Variants in RAD54B observed in about 807,000 individuals in gnomAD.
RAD54B encodes RAD54 homolog B.
Under a neutral mutation model 95.8 loss-of-function variants are expected in RAD54B, and 78 were observed. The ratio of observed to expected loss-of-function variants is 0.81; its 90% CI spans 0.68 to 0.98. The LOEUF (loss-of-function observed/expected upper bound fraction) is 0.98. Among genes scored for constraint, RAD54B ranks in the 50% least tolerant of loss-of-function variants. The probability of loss-of-function intolerance (pLI) is 0.00; values close to 1 mark genes in which losing one functional copy is unlikely to be tolerated. For missense variants in RAD54B, 957 were observed against 1,056.6 expected, an observed-to-expected ratio of 0.91 and a Z score of 1.31; for synonymous variants, 328 against 354.9, an observed-to-expected ratio of 0.92 and a Z score of 0.85.
chr8:94,406,128 G>C (rs1811384363), intron 5 of RAD54B, among the ~76,000 whole-genome samples: 2 of 151,422 alleles, frequency 1.3e-5, no homozygotes, highest in South Asian at 4.2e-4. Context: ...CACTCAACAA[G>C]TATTTCCTGG....
chr8:94,452,767 G>T (rs1438267659), intron 3 of RAD54B, among the ~76,000 whole-genome samples: 1 of 152,082 alleles, frequency 6.6e-6, no homozygotes, highest in African/African-American at 2.4e-5. Context: ...AAAGTGCTGG[G>T]ATTACAGGCC....
intron 3 of RAD54B, among the ~76,000 whole-genome samples, chr8:94,437,849 C>T (rs1414120591): frequency 1.3e-5 from 2 of 152,112 alleles, no homozygotes; most frequent in Non-Finnish European, 2.9e-5. Context: ...CCACCAGTTT[C>T]GGTGCTTAGA....
intron 3 of RAD54B, among the ~76,000 whole-genome samples, chr8:94,435,901 A>G (rs1380894894): frequency 6.6e-6 from 1 of 152,048 alleles, no homozygotes; most frequent in Non-Finnish European, 1.5e-5. Context: ...TTAGGCATTA[A>G]CTCCCTTTAG....
chr8:94,461,808 G>GT, intron 2 of RAD54B, among the ~76,000 whole-genome samples: 1 of 152,220 alleles, frequency 6.6e-6, no homozygotes, highest in East Asian at 1.9e-4. Context: ...ACTTCAAGGT[G>GT]TGTTTCCAAA....
intron 3 of RAD54B, among the ~76,000 whole-genome samples, chr8:94,442,704 C>T (rs1226935443): frequency 1.3e-5 from 2 of 151,912 alleles, no homozygotes; most frequent in Admixed American, 1.3e-4. Flanking sequence ...TGGGATGTTC[C>T]CAACATAAAA....
At chr8:94,412,370 A>AT (rs66586571) in intron 3 of RAD54B, among the ~76,000 whole-genome samples, 3,645 of 148,328 alleles carry the variant, frequency 0.025, 148 homozygotes, top group African/African-American at 0.083. Flanking sequence ...TGCCAATTTC[A>AT]TTTTTTTTTT....
chr8:94,398,999 A>T (rs113557961), intron 8 of RAD54B, among the ~76,000 whole-genome samples: 9 of 152,084 alleles, frequency 5.9e-5, no homozygotes, highest in African/African-American at 1.9e-4. Flanking sequence ...TTTCCCAAGA[A>T]CTTTACATTG....
chr8:94,436,911 C>CA, intron 3 of RAD54B: 1 of 1,483,950 alleles, frequency 6.7e-7, no homozygotes, highest in South Asian at 1.4e-5. Flanking sequence ...AACCACCATG[C>CA]AGCCTTCAGC....
At chr8:94,444,690 T>C (rs1290521872) in intron 3 of RAD54B, among the ~76,000 whole-genome samples, 3 of 152,220 alleles carry the variant, frequency 2.0e-5, no homozygotes, top group African/African-American at 7.2e-5. Context: ...CCAGTCTGTC[T>C]GGAGAAGTTC....
intron 11 of RAD54B, 152 bp from the exon 12 acceptor site, chr8:94,380,558 A>G (rs1563634881): frequency 2.3e-6 from 2 of 862,958 alleles, no homozygotes; most frequent in South Asian, 3.9e-5. Flanking sequence ...ATTCCTGCAT[A>G]TTCCATTTTA....
intron 3 of RAD54B, chr8:94,430,745 T>C (rs1812071852): frequency 1.0e-6 from 1 of 973,030 alleles, no homozygotes; most frequent in Non-Finnish European, 1.2e-6. Flanking sequence ...CATTTTAAAA[T>C]TGGAAGATTC....
intron 3 of RAD54B, among the ~76,000 whole-genome samples, chr8:94,443,150 C>A (rs375030226): frequency 1.3e-5 from 2 of 152,180 alleles, no homozygotes; most frequent in East Asian, 3.8e-4. Flanking sequence ...AAAATCACTC[C>A]TTCGATCATG....
chr8:94,434,194 C>T (rs962337914), intron 3 of RAD54B, among the ~76,000 whole-genome samples: 1 of 151,844 alleles, frequency 6.6e-6, no homozygotes, highest in African/African-American at 2.4e-5. Flanking sequence ...GTTTTTAAAA[C>T]CACATAATTA....
Position 94,387,046 on chromosome 8 carries a change from T to A in RAD54B, c.1923A>T (p.Ser641=). 6.2e-7 allele frequency: 1 copy of A among 1,613,648 alleles called. No individual in the cohort carries two copies. Among genetic ancestry groups the A allele is most frequent in the Non-Finnish European group, 8.5e-7 (1 of 1,179,790 alleles). ...GCTTGGACAACACCTGTAGTTTTCC[T>A]GACTCCTTTTCAGTAAACAGGAGAG... ...YNPLLFTEKE[S]GKLQVLSKLL... The change falls in exon 11 of 15, where the codon TCA becomes TCT. Residue 641 remains serine, a synonymous_variant. Transcript: ENST00000336148.
At chr8:94,406,542 C>T (rs903201429) in intron 5 of RAD54B, among the ~76,000 whole-genome samples, 1 of 152,152 alleles carries the variant, frequency 6.6e-6, no homozygotes, top group African/African-American at 2.4e-5. Flanking sequence ...CCCAATAATG[C>T]CGTTGATTAT....
chr8:94,446,960 A>G (rs1812536823), intron 3 of RAD54B, among the ~76,000 whole-genome samples: 1 of 138,020 alleles, frequency 7.2e-6, no homozygotes, highest in Non-Finnish European at 1.5e-5. Flanking sequence ...ATGCAACATG[A>G]GAGGAAGATA....
chr8:94,402,565 TA>T (rs1360070154), intron 6 of RAD54B, among the ~76,000 whole-genome samples: 2 of 152,074 alleles, frequency 1.3e-5, no homozygotes, highest in Non-Finnish European at 2.9e-5. Flanking sequence ...ATTTTTCCAA[TA>T]ATTAACTAAA....
chr8:94,400,707 G>A (rs1811247824), intron 6 of RAD54B, among the ~76,000 whole-genome samples: 1 of 152,132 alleles, frequency 6.6e-6, no homozygotes, highest in Non-Finnish European at 1.5e-5. Context: ...ACTATTACAT[G>A]TACATATTTA....
chr8:94,427,217 G>A (rs1490493252), intron 3 of RAD54B, among the ~76,000 whole-genome samples: 1 of 151,900 alleles, frequency 6.6e-6, no homozygotes, highest in Non-Finnish European at 1.5e-5. Context: ...AAGTTGTCAG[G>A]ACTGATATGA....
Sources: allele counts gnomAD v4.1 joint callset (sites outside exome capture counted in the v4.1 genomes callset), GRCh38; gene constraint gnomAD v4.1.1; transcripts MANE v1.5; gene names NCBI Gene and HGNC (gene_info 2026-07-23, HGNC 2026-07-21).